GTF3A: variants seen among roughly 807,000 people sequenced by gnomAD.
GTF3A encodes general transcription factor IIIA, also known as transcription factor IIIA.
Under a neutral mutation model 37.6 loss-of-function variants are expected in GTF3A, and 40 were observed. The ratio of observed to expected loss-of-function variants is 1.06; its 90% confidence interval spans 0.83 to 1.38. The LOEUF (loss-of-function observed/expected upper bound fraction) is 1.38, where lower values mean the gene tolerates loss of function less well. Ranked by LOEUF, GTF3A falls within the 40% of genes most tolerant of loss-of-function variation. GTF3A has a pLI of 0.00. For missense variants in GTF3A, 500 were observed against 462.6 expected (o/e 1.08, Z -0.74); for synonymous variants, 191 against 166.7 (o/e 1.15, Z -1.12).
At position 27,427,117 on chromosome 13, in the gene GTF3A, G is replaced by A. The variant is rs769539676; in HGVS notation, c.227G>A (p.Gly76Glu). 1 of 1,596,782 alleles carries A rather than the reference G, an allele frequency of 6.3e-7. No individual in the cohort carries two copies. The highest frequency in any genetic ancestry group is 1.1e-5 in the South Asian group (1 of 90,452). Reference sequence around the variant, plus strand: ...AGACCATTTGTTTGTGACTATGAAGGGTGTGGCAAGGCCTTCATCAGGGAC... The same window carrying A: ...AGACCATTTGTTTGTGACTATGAAGAGTGTGGCAAGGCCTTCATCAGGGAC... The change falls in exon 2 of 9, where the codon GGG becomes GAG. Residue 76 changes from glycine to glutamate, a missense_variant. Coordinates refer to ENST00000381140, the MANE Select transcript of GTF3A (RefSeq NM_002097.3).
At chr13:27,429,769 T>C in intron 2 of GTF3A, 101 bp from the exon 3 acceptor site, 1 of 600,110 alleles carries the variant, frequency 1.7e-6, no homozygotes, top group Non-Finnish European at 2.9e-6. Flanking sequence ...GTATTACTAT[T>C]CTTTGGAAGA....
At chr13:27,429,813 C>A in intron 2 of GTF3A, 57 bp from the exon 3 acceptor site, 1 of 887,358 alleles carries the variant, frequency 1.1e-6, no homozygotes, top group Non-Finnish European at 1.7e-6. Flanking sequence ...ATATATGTGT[C>A]TTAAAACTTC....
intron 8 of GTF3A, 120 bp from the exon 9 acceptor site, chr13:27,435,313 C>A: frequency 7.8e-7 from 1 of 1,279,284 alleles, no homozygotes; most frequent in Non-Finnish European, 1.1e-6. Flanking sequence ...CTGTTGAAGA[C>A]TTTACTTCCT....
intron 8 of GTF3A, 49 bp downstream of exon 8, chr13:27,435,241 T>A: frequency 6.7e-7 from 1 of 1,488,092 alleles, no homozygotes; most frequent in East Asian, 2.3e-5. Flanking sequence ...GGAAATTGTT[T>A]AAGGCCAGAA....
intron 7 of GTF3A, 21 bp from the exon 8 acceptor site, chr13:27,435,112 T>C (rs1953698226): frequency 6.3e-7 from 1 of 1,598,734 alleles, no homozygotes; most frequent in African/African-American, 1.3e-5. Flanking sequence ...ATTTCATTAA[T>C]AACTTTCTCT....
intron 4 of GTF3A, among the ~76,000 whole-genome samples, chr13:27,432,403 T>C (rs1391288749): frequency 6.6e-6 from 1 of 152,220 alleles, no homozygotes; most frequent in Admixed American, 6.5e-5. Flanking sequence ...CAGAATGGCT[T>C]AGGGGTTTAT....
At chr13:27,429,815 TA>T (rs376018048) in intron 2 of GTF3A, 54 bp from the exon 3 acceptor site, 1 of 926,022 alleles carries the variant, frequency 1.1e-6, no homozygotes, top group African/African-American at 1.7e-5. Context: ...ATATGTGTCT[TA>T]AAACTTCTTC....
Position 27,435,737 on chromosome 13 carries a change from C to A in GTF3A, c.*140C>A. ...TGGTCTTTGTTCAAAGTGTCTCTTTCCTGGGTCTCTTGAGTTTCTTTATAT... is the reference window on the plus strand; with the variant it reads ...TGGTCTTTGTTCAAAGTGTCTCTTTACTGGGTCTCTTGAGTTTCTTTATAT... On this transcript the variant is annotated 3_prime_UTR_variant, in exon 9 of 9. Transcript: ENST00000381140. The A allele has an allele frequency of 6.2e-7, 1 of 1,614,022 alleles. No homozygotes were observed. The highest frequency in any genetic ancestry group is 8.5e-7 in the Non-Finnish European group (1 of 1,179,940).
intron 5 of GTF3A, among the ~76,000 whole-genome samples, chr13:27,433,305 G>C (rs560647850): frequency 1.4e-5 from 2 of 141,858 alleles, no homozygotes; most frequent in South Asian, 4.6e-4. Context: ...AATTTCCCAG[G>C]TCCTAGAATT....
intron 1 of GTF3A, chr13:27,425,489 G>A (rs1953597969): frequency 6.5e-6 from 1 of 152,736 alleles, no homozygotes; most frequent in Non-Finnish European, 1.5e-5. Flanking sequence ...GTGTAAGAAG[G>A]AAGGATCTAG....
intron 3 of GTF3A, among the ~76,000 whole-genome samples, chr13:27,430,175 A>C (rs1400735642): frequency 6.6e-6 from 1 of 151,994 alleles, no homozygotes; most frequent in Non-Finnish European, 1.5e-5. Flanking sequence ...TTGGGGTAAC[A>C]GAGACCCTGT....
At position 27,434,155 on chromosome 13, in the gene GTF3A, A is replaced by G. The variant is rs1555258420; in HGVS notation, c.579A>G (p.Lys193=). Residue 193 remains lysine, a synonymous_variant, in exon 6 of 9, where the codon AAA becomes AAG. Transcript: ENST00000381140. Reference sequence around the variant, plus strand: ...TTTTAATAGGCTATGTATGTCAAAAAGGATGTTCCTTTGTGGCAAAAACAT... The same window carrying G: ...TTTTAATAGGCTATGTATGTCAAAAGGGATGTTCCTTTGTGGCAAAAACAT... 7.5e-7 allele frequency: 1 copy of G among 1,329,652 alleles called. No individual in the cohort carries two copies. Among genetic ancestry groups the G allele is most frequent in the South Asian group, 1.2e-5 (1 of 85,542 alleles). The allele number at this position is 1,329,652 out of a possible 1,614,324, so 82.4% of individuals were successfully genotyped here. A position where few individuals can be genotyped will look rare whatever the true frequency, so the allele number is the denominator to read the frequency against.
At position 27,435,054 on chromosome 13, in the gene GTF3A, C is replaced by G; in HGVS notation, c.873+20C>G. ...ATGAAAGTAAGCACTCACCCTCATACTCATGGTCCTATAGTCTATGCTTTC... is the reference window on the plus strand; with the variant it reads ...ATGAAAGTAAGCACTCACCCTCATAGTCATGGTCCTATAGTCTATGCTTTC... On this transcript the variant is annotated intron_variant, in intron 7 of 8. Coordinates refer to ENST00000381140, the MANE Select transcript of GTF3A (RefSeq NM_002097.3). 1 of 1,535,834 alleles carries G rather than the reference C, an allele frequency of 6.5e-7. No individual in the cohort carries two copies. The highest frequency in any genetic ancestry group is 9.0e-7 in the Non-Finnish European group (1 of 1,108,700).
intron 8 of GTF3A, 52 bp downstream of exon 8, chr13:27,435,244 G>A: frequency 6.8e-7 from 1 of 1,464,786 alleles, no homozygotes; most frequent in Non-Finnish European, 9.4e-7. Context: ...AATTGTTTAA[G>A]GCCAGAAGGA....
chr13:27,434,156 G>C lies in GTF3A; in HGVS notation c.580G>C (p.Gly194Arg). ...TTTAATAGGCTATGTATGTCAAAAA[G>C]GATGTTCCTTTGTGGCAAAAACATG... The change falls in exon 6 of 9, where the codon GGA becomes CGA. Residue 194 changes from glycine to arginine, a missense_variant. Transcript: ENST00000381140. 1.5e-6 allele frequency: 2 copies of C among 1,338,714 alleles called. No individual in the cohort carries two copies. The highest frequency in any genetic ancestry group is 2.2e-6 in the Non-Finnish European group (2 of 928,468). 82.9% of individuals were successfully genotyped at this position (1,338,714 alleles called of 1,614,324 possible). A position where few individuals can be genotyped will look rare whatever the true frequency, so the allele number is the denominator to read the frequency against.
In GTF3A at chr13:27,424,659, G is replaced by A. The variant is rs1254465382; in HGVS notation, c.-79G>A. The A allele has an allele frequency of 3.7e-6, 4 of 1,094,826 alleles. No homozygotes were observed. Among genetic ancestry groups the A allele is most frequent in the Middle Eastern group, 3.2e-4 (1 of 3,108 alleles). The allele number at this position is 1,094,826 out of a possible 1,614,324, so 67.8% of individuals were successfully genotyped here. On this transcript the variant is annotated 5_prime_UTR_variant, in exon 1 of 9. Transcript: ENST00000381140. ...GCGCGAAGGTTCAGCAGGGAGCCGT[G>A]GGCCGGGCGCGCCGGTTCCCGGCAC... is the stretch of plus-strand genomic sequence containing the variant.
In GTF3A at chr13:27,424,879, A is replaced by G. The variant is rs757728122; in HGVS notation, c.142A>G (p.Ser48Gly). 6.5e-7 allele frequency: 1 copy of G among 1,549,980 alleles called. No individual in the cohort carries two copies. The highest frequency in any genetic ancestry group is 8.7e-7 in the Non-Finnish European group (1 of 1,146,310). The change falls in exon 1 of 9, where the codon AGC becomes GGC. Residue 48 changes from serine to glycine, a missense_variant. Ser to Gly is a moderately conservative substitution (Grantham distance 56). Transcript: ENST00000381140. ...GTTCATCTGCTCCTTCCCTGACTGC[A>G]GCGCCAATTACAGCAAAGCCTGGAA...
At position 27,424,871 on chromosome 13, in the gene GTF3A, C is replaced by T; in HGVS notation, c.134C>T (p.Pro45Leu). Residue 45 changes from proline (P) to leucine (L), a missense_variant, in exon 1 of 9, where the codon CCT (proline) becomes CTT (leucine). Coordinates refer to ENST00000381140, the MANE Select transcript of GTF3A (RefSeq NM_002097.3). ...CCCAGGAGGTTCATCTGCTCCTTCC[C>T]TGACTGCAGCGCCAATTACAGCAAA... 6.5e-7 allele frequency: 1 copy of T among 1,550,198 alleles called. No homozygotes were observed. Among genetic ancestry groups the T allele is most frequent in the East Asian group, 2.5e-5 (1 of 40,780 alleles).
intron 1 of GTF3A, chr13:27,425,211 G>C: frequency 2.3e-6 from 1 of 431,036 alleles, no homozygotes; most frequent in Non-Finnish European, 4.2e-6. Context: ...GCAAATAAGT[G>C]TGAGGTTTGA....
Sources: gnomAD v4.1 joint callset for allele counts (sites outside exome capture counted in the v4.1 genomes callset) on GRCh38, gnomAD v4.1.1 for gene constraint, MANE v1.5 for transcripts, NCBI Gene and HGNC (gene_info 2026-07-23, HGNC 2026-07-21) for gene names.